IQGAP2: variants seen among roughly 807,000 people sequenced by gnomAD.
IQGAP2 encodes the protein IQ motif containing GTPase activating protein 2, also known as ras GTPase-activating-like protein IQGAP2.
Under a neutral mutation model 201.3 loss-of-function variants are expected in IQGAP2, and 173 were observed. The ratio of observed to expected loss-of-function variants is 0.86; its 90% CI spans 0.76 to 0.98. The LOEUF (loss-of-function observed/expected upper bound fraction) is 0.98, where lower values mean the gene tolerates loss of function less well. Ranked by LOEUF, IQGAP2 falls within the 50% of genes least tolerant of loss-of-function variation. IQGAP2 has a pLI of 0.00. For missense variants in IQGAP2, 1,687 were observed against 1,864.8 expected (o/e 0.90, Z 1.76); for synonymous variants, 675 against 673.9 (o/e 1.00, Z -0.03).
chr5:76,668,988 T>A (rs1744052032), intron 23 of IQGAP2, 144 bp downstream of exon 23: 1 of 527,742 alleles, frequency 1.9e-6, no homozygotes, highest in Non-Finnish European at 3.2e-6. Flanking sequence ...TGAGAATACT[T>A]CTATATTATT....
intron 2 of IQGAP2, among the ~76,000 whole-genome samples, chr5:76,559,658 A>T (rs545763230): frequency 6.6e-6 from 1 of 152,092 alleles, no homozygotes; most frequent in East Asian, 1.9e-4. Flanking sequence ...TTCCAACTAC[A>T]GCAGGTCCTC....
At chr5:76,593,139 C>T (rs956787392) in intron 9 of IQGAP2, among the ~76,000 whole-genome samples, 1 of 152,164 alleles carries the variant, frequency 6.6e-6, no homozygotes, top group Non-Finnish European at 1.5e-5. Context: ...ACAAAGTATC[C>T]TGAAGCTAGT....
At chr5:76,568,413 T>C (rs1481812560) in intron 3 of IQGAP2, among the ~76,000 whole-genome samples, 2 of 152,220 alleles carry the variant, frequency 1.3e-5, no homozygotes, top group East Asian at 3.8e-4. Flanking sequence ...ACCTTCCATA[T>C]ATTCTCAGAT....
intron 2 of IQGAP2, among the ~76,000 whole-genome samples, chr5:76,481,441 G>A (rs1755790167): frequency 6.6e-6 from 1 of 151,410 alleles, no homozygotes; most frequent in African/African-American, 2.4e-5. Flanking sequence ...GGAGTGCAGT[G>A]GCACAATCTT....
chr5:76,450,955 C>A (rs1317813053), intron 1 of IQGAP2, among the ~76,000 whole-genome samples: 2 of 148,342 alleles, frequency 1.3e-5, no homozygotes, highest in Non-Finnish European at 3.0e-5. Flanking sequence ...AATTCACACT[C>A]ACTAACAGCA....
At chr5:76,460,860 CTTTT>C (rs61258350) in intron 1 of IQGAP2, among the ~76,000 whole-genome samples, 1 of 113,546 alleles carries the variant, frequency 8.8e-6, no homozygotes, top group African/African-American at 3.7e-5. Flanking sequence ...TTGCACACTG[CTTTT>C]TTTTTTTTTT....
At chr5:76,638,494 C>T (rs1004788712) in intron 16 of IQGAP2, among the ~76,000 whole-genome samples, 6 of 152,086 alleles carry the variant, frequency 3.9e-5, no homozygotes, top group Non-Finnish European at 8.8e-5. Flanking sequence ...CCCCCATGTG[C>T]CTTGTCCATT....
intron 13 of IQGAP2, among the ~76,000 whole-genome samples, chr5:76,611,872 G>A (rs1748440363): frequency 6.6e-6 from 1 of 152,168 alleles, no homozygotes; most frequent in African/African-American, 2.4e-5. Flanking sequence ...TCACCTAAGA[G>A]TGGGAGTGAT....
intron 2 of IQGAP2, among the ~76,000 whole-genome samples, chr5:76,548,158 C>T (rs1296722863): frequency 6.6e-6 from 1 of 152,104 alleles, no homozygotes; most frequent in African/African-American, 2.4e-5. Context: ...AAGTATTGTA[C>T]CCAGTTTTCT....
chr5:76,638,231 T>A (rs897033442), intron 16 of IQGAP2, among the ~76,000 whole-genome samples: 9 of 152,170 alleles, frequency 5.9e-5, no homozygotes, highest in Non-Finnish European at 1.3e-4. Context: ...ATACAAAAAT[T>A]AGCTGGGCAT....
chr5:76,610,978 T>C (rs1303080756), intron 12 of IQGAP2, 42 bp from the exon 13 acceptor site: 8 of 1,536,918 alleles, frequency 5.2e-6, no homozygotes, highest in Non-Finnish European at 6.2e-6. Flanking sequence ...GAAGTTATAA[T>C]GTACTGTGAC....
chr5:76,426,045 C>T (rs996434211), intron 1 of IQGAP2, among the ~76,000 whole-genome samples: 3 of 152,218 alleles, frequency 2.0e-5, no homozygotes, highest in African/African-American at 4.8e-5. Flanking sequence ...AATGTGTTTG[C>T]GCAGTTCTGG....
At chr5:76,469,876 A>G (rs1352770106) in intron 2 of IQGAP2, among the ~76,000 whole-genome samples, 1 of 152,178 alleles carries the variant, frequency 6.6e-6, no homozygotes, top group East Asian at 1.9e-4. Context: ...TGTCTTGTAT[A>G]TGTATTAGTT....
chr5:76,553,379 C>T (rs1044592650), intron 2 of IQGAP2, among the ~76,000 whole-genome samples: 2 of 152,152 alleles, frequency 1.3e-5, no homozygotes, highest in African/African-American at 2.4e-5. Flanking sequence ...TAAAACAGGG[C>T]TTATGCAAAT....
At chr5:76,432,403 G>T (rs1473092515) in intron 1 of IQGAP2, among the ~76,000 whole-genome samples, 1 of 152,090 alleles carries the variant, frequency 6.6e-6, no homozygotes, top group East Asian at 1.9e-4. Flanking sequence ...GGGATTATAG[G>T]CATGAGCCAC....
At chr5:76,609,566 TCTTTA>T (rs1447457211) in intron 12 of IQGAP2, among the ~76,000 whole-genome samples, 1 of 152,214 alleles carries the variant, frequency 6.6e-6, no homozygotes, top group Non-Finnish European at 1.5e-5. Context: ...AAATATTTTA[TCTTTA>T]CTTGAATGTC....
At chr5:76,524,612 A>G (rs574401473) in intron 2 of IQGAP2, among the ~76,000 whole-genome samples, 112 of 152,338 alleles carry the variant, frequency 7.4e-4, no homozygotes, top group Middle Eastern at 6.8e-3. Context: ...CTTTGTTAAG[A>G]ATCAAAAAAC....
intron 17 of IQGAP2, among the ~76,000 whole-genome samples, chr5:76,649,824 C>T (rs189853665): frequency 6.6e-6 from 1 of 152,360 alleles, no homozygotes; most frequent in East Asian, 1.9e-4. Context: ...GCTCCTGCAG[C>T]AGGCTTCTGC....
chr5:76,662,339 C>T (rs1335889193), intron 21 of IQGAP2, among the ~76,000 whole-genome samples: 1 of 152,200 alleles, frequency 6.6e-6, no homozygotes, highest in Non-Finnish European at 1.5e-5. Flanking sequence ...ATCCTGCCTT[C>T]ACCAACTCTC....
Sources: allele counts gnomAD v4.1 joint callset (sites outside exome capture counted in the v4.1 genomes callset), GRCh38; gene constraint gnomAD v4.1.1; transcripts MANE v1.5; gene names NCBI Gene and HGNC (gene_info 2026-07-23, HGNC 2026-07-21).